Variants in IREB2 observed in about 807,000 individuals in gnomAD.
IREB2 encodes the protein iron-responsive element-binding protein 2.
In IREB2, 39 loss-of-function variants were observed where a neutral mutation model predicts 118.8. The ratio of observed to expected loss-of-function variants is 0.33; its 90% CI spans 0.25 to 0.43. IREB2 has a LOEUF of 0.43. IREB2 is among the 20% of genes least tolerant of loss of function. IREB2 has a pLI of 1.00. For synonymous variants in IREB2, 372 were observed against 392.2 expected (o/e 0.95, Z 0.61); for missense variants, 900 against 1,147.3 (o/e 0.78, Z 3.11).
chr15:78,439,244 A>G (rs1366947345), intron 1 of IREB2, among the ~76,000 whole-genome samples: 3 of 152,102 alleles, frequency 2.0e-5, no homozygotes, highest in African/African-American at 7.2e-5. Flanking sequence ...TTTTATTTTC[A>G]GTACTAAGCC....
intron 2 of IREB2, among the ~76,000 whole-genome samples, chr15:78,462,206 A>G (rs2051209172): frequency 6.6e-6 from 1 of 152,160 alleles, no homozygotes; most frequent in Non-Finnish European, 1.5e-5. Context: ...ATCAGCATGT[A>G]ACTCTTCACT....
chr15:78,490,640 C>G lies in IREB2; in HGVS notation c.2203C>G (p.Gln735Glu). Residue 735 changes from glutamine (Q) to glutamate (E), a missense_variant, in exon 18 of 22, where the codon CAG becomes GAG. Gln to Glu is a conservative substitution (Grantham distance 29). Coordinates refer to ENST00000258886, the MANE Select transcript of IREB2 (RefSeq NM_004136.4). ...DKLTKEPIAL[Q>E]AIENAHVLLY... ...CTAGACCAAAGAGCCAATTGCACTCCAGGCTATTGAAAATGCCCATGTCTT... is the reference window on the plus strand; with the variant it reads ...CTAGACCAAAGAGCCAATTGCACTCGAGGCTATTGAAAATGCCCATGTCTT... 2 of 1,614,016 alleles carry G rather than the reference C, an allele frequency of 1.2e-6. No individual in the cohort carries two copies. The highest frequency in any genetic ancestry group is 1.7e-6 in the Non-Finnish European group (2 of 1,179,932).
At chr15:78,490,594 A>C (rs762462820) in intron 17 of IREB2, 25 bp from the exon 18 acceptor site, 4 of 1,612,696 alleles carry the variant, frequency 2.5e-6, no homozygotes, top group Non-Finnish European at 3.4e-6. Context: ...TAAAGAGTTA[A>C]ATGCCTTGAA....
At chr15:78,474,836 A>C (rs1039988975) in intron 8 of IREB2, 1 of 150,678 alleles carries the variant, frequency 6.6e-6, no homozygotes, top group Non-Finnish European at 1.5e-5. Flanking sequence ...CGGGTGGATC[A>C]TGAGGTCAGG....
chr15:78,467,150 A>G (rs1458237047), intron 5 of IREB2, among the ~76,000 whole-genome samples: 1 of 148,386 alleles, frequency 6.7e-6, no homozygotes, highest in Non-Finnish European at 1.5e-5. Flanking sequence ...GGGAGGTTGC[A>G]GTGAGCCAAG....
chr15:78,487,223 A>G (rs1372754166), intron 13 of IREB2, among the ~76,000 whole-genome samples: 4 of 152,016 alleles, frequency 2.6e-5, no homozygotes, highest in Non-Finnish European at 5.9e-5. Context: ...ACCTTTGGTC[A>G]GGTTATTATA....
intron 2 of IREB2, among the ~76,000 whole-genome samples, chr15:78,459,107 A>G (rs928887622): frequency 1.3e-5 from 2 of 152,182 alleles, no homozygotes; most frequent in Admixed American, 1.3e-4. Context: ...GTATATTCTT[A>G]ACGGGAAAAA....
chr15:78,496,878 T>C (rs1182141964), intron 20 of IREB2, among the ~76,000 whole-genome samples: 3 of 152,166 alleles, frequency 2.0e-5, no homozygotes, highest in Non-Finnish European at 4.4e-5. Context: ...TATGATGTGG[T>C]AGGCAGCGGC....
At chr15:78,474,496 A>T (rs1244548817) in intron 8 of IREB2, 1 of 152,228 alleles carries the variant, frequency 6.6e-6, no homozygotes, top group Non-Finnish European at 1.5e-5. Flanking sequence ...TCAATTCTTT[A>T]CTTTAGACAT....
intron 1 of IREB2, among the ~76,000 whole-genome samples, chr15:78,439,529 C>A (rs1446115594): frequency 6.6e-6 from 1 of 152,146 alleles, no homozygotes; most frequent in Non-Finnish European, 1.5e-5. Flanking sequence ...TAGAACTATG[C>A]TTTCCAGTGT....
At chr15:78,448,289 T>C (rs1407219768) in intron 2 of IREB2, among the ~76,000 whole-genome samples, 1 of 151,740 alleles carries the variant, frequency 6.6e-6, no homozygotes, top group African/African-American at 2.4e-5. Context: ...GGATTACAGG[T>C]GCACGCCACC....
At chr15:78,464,788 G>A (rs1421761306) in intron 3 of IREB2, among the ~76,000 whole-genome samples, 3 of 152,114 alleles carry the variant, frequency 2.0e-5, no homozygotes, top group African/African-American at 7.2e-5. Context: ...ATTTGGCCTT[G>A]TACCATTGGT....
In IREB2 at chr15:78,471,745, G is replaced by A; in HGVS notation, c.704G>A (p.Ser235Asn). 1 of 1,593,724 alleles carries A rather than the reference G, an allele frequency of 6.3e-7. No homozygotes were observed. Among genetic ancestry groups the A allele is most frequent in the Non-Finnish European group, 8.6e-7 (1 of 1,169,432 alleles). The part of the protein sequence containing the change: ...NRERLQFFKW[S>N]SRVFKNVAVI... ...TTAAATTTAAACAAAATATAGTGGA[G>A]TTCAAGAGTTTTTAAGAATGTGGCA... is the stretch of plus-strand genomic sequence containing the variant. The change falls in exon 7 of 22, where the codon AGT becomes AAT. Residue 235 changes from serine to asparagine, a missense_variant. By Grantham distance (46) the Ser-to-Asn change is conservative (BLOSUM62 1). Transcript: ENST00000258886.
At chr15:78,446,864 G>GCAAAGAATGC (rs569141494) in intron 2 of IREB2, among the ~76,000 whole-genome samples, 4 of 144,872 alleles carry the variant, frequency 2.8e-5, no homozygotes, top group African/African-American at 1.0e-4. Context: ...TATAGTGTTA[G>GCAAAGAATGC]CAAAGAATGC....
chr15:78,476,520 T>C, intron 9 of IREB2, 161 bp downstream of exon 9: 1 of 514,586 alleles, frequency 1.9e-6, no homozygotes. Context: ...TTAAAGAGTG[T>C]TGTGTCCTCA....
chr15:78,446,422 T>C (rs1222651103), intron 2 of IREB2, among the ~76,000 whole-genome samples: 1 of 152,196 alleles, frequency 6.6e-6, no homozygotes, highest in African/African-American at 2.4e-5. Context: ...AAGAAGGATT[T>C]ATTGTAATGA....
intron 13 of IREB2, among the ~76,000 whole-genome samples, chr15:78,486,934 T>C (rs566210187): frequency 6.6e-6 from 1 of 152,072 alleles, no homozygotes; most frequent in East Asian, 1.9e-4. Context: ...CCCCCGAAAG[T>C]GTTGGGATTA....
intron 10 of IREB2, among the ~76,000 whole-genome samples, chr15:78,480,693 A>AAAC: frequency 6.8e-6 from 1 of 148,076 alleles, no homozygotes; most frequent in African/African-American, 2.5e-5. Flanking sequence ...TCTTAAAAAA[A>AAAC]AAAAAAAAAA....
chr15:78,494,103 A>G, intron 19 of IREB2, 39 bp from the exon 20 acceptor site: 2 of 1,613,026 alleles, frequency 1.2e-6, no homozygotes, highest in Non-Finnish European at 1.7e-6. Context: ...CTGGATCAAA[A>G]TTTGTATTAA....
Sources: allele counts gnomAD v4.1 joint callset (sites outside exome capture counted in the v4.1 genomes callset), GRCh38; gene constraint gnomAD v4.1.1; transcripts MANE v1.5; gene names NCBI Gene and HGNC (gene_info 2026-07-23, HGNC 2026-07-21).